NCOR2: variants seen among roughly 807,000 people sequenced by gnomAD.
NCOR2 encodes nuclear receptor corepressor 2.
Under a neutral mutation model 262.9 loss-of-function variants are expected in NCOR2, and 81 were observed. The ratio of observed to expected loss-of-function variants is 0.31; its 90% CI spans 0.26 to 0.37. The LOEUF (loss-of-function observed/expected upper bound fraction) is 0.37, where lower values mean the gene tolerates loss of function less well. Among genes scored for constraint, NCOR2 ranks in the 10% least tolerant of loss-of-function variants. The pLI is 1.00. For missense variants in NCOR2, 3,385 were observed against 3,621.4 expected (o/e 0.93, Z 1.68); for synonymous variants, 1,659 against 1,559.3 (o/e 1.06, Z -1.51).
chr12:124,334,346 G>T, intron 41 of NCOR2, 78 bp downstream of exon 43: 1 of 1,121,676 alleles, frequency 8.9e-7, no homozygotes, highest in African/African-American at 1.6e-5. Flanking sequence ...GCTGAGCTCA[G>T]ACCCAGCTCT....
Position 124,457,308 on chromosome 12 carries a change from C to T in NCOR2, c.706-146G>A, listed in dbSNP as rs1042993212. The T allele has an allele frequency of 5.1e-6, 4 of 787,986 alleles. No homozygotes were observed. The highest frequency in any genetic ancestry group is 1.9e-5 in the African/African-American group (1 of 53,268). 48.8% of individuals were successfully genotyped at this position (787,986 alleles called of 1,614,324 possible). ...CACGGGGGAGGGAGGCCCGGGGCCC[C>T]CTGCAGGCCCTCCCCACGCTGGAAA... On this transcript the variant is annotated intron_variant, in intron 5 of 46. Transcript: ENST00000405201. The surrounding 1 kb of genome is among the most constrained non-coding windows in gnomAD (Gnocchi z 4.0).
In NCOR2 at chr12:124,391,375, C is replaced by A. The variant is rs569900816; in HGVS notation, c.1877-5488G>T. Among the ~76,000 whole-genome samples the A allele has an allele frequency of 1.8e-4, 27 of 152,296 alleles. 1 individual carries two copies. The highest frequency in any genetic ancestry group is 5.1e-4 in the African/African-American group (21 of 41,560). On this transcript the variant is annotated intron_variant, in intron 16 of 46. Transcript: ENST00000405201. ...GGGGTGCATCGACCACCGCCCCCCA[C>A]CTGCCATTTTCCCCGAGAAACTCAG... is the stretch of plus-strand genomic sequence containing the variant.
rs1566353355 is a variant in NCOR2, at chr12:124,333,877, CGGGT to C, written c.6605+543_6605+546del. Among the ~76,000 whole-genome samples, 85 of 17,928 alleles carry C rather than the reference CGGGT, an allele frequency of 4.7e-3. 1 individual carries two copies. The highest frequency in any genetic ancestry group is 0.028 in the South Asian group (13 of 468). The allele number at this position is 17,928 out of a possible 152,430, so 11.8% of individuals were successfully genotyped here. The stretch of plus-strand genomic sequence containing the variant: ...GTGCATGTGTGTGTGCGCATGTGTG[CGGGT>C]GTGCATGTGTGTGTGCGCGCGCATG... On this transcript the variant is annotated intron_variant, in intron 41 of 46. Transcript: ENST00000405201.
At chr12:124,525,413 T>C (rs1361041990) in intron 1 of NCOR2, among the ~76,000 whole-genome samples, 1 of 152,246 alleles carries the variant, frequency 6.6e-6, no homozygotes, top group Non-Finnish European at 1.5e-5. Flanking sequence ...TTTTCTTGCC[T>C]TGCAAAATCG....
At chr12:124,547,505 A>G (rs2051578133) in intron 1 of NCOR2, among the ~76,000 whole-genome samples, 1 of 152,242 alleles carries the variant, frequency 6.6e-6, no homozygotes, top group Non-Finnish European at 1.5e-5. Context: ...ACATTTTTCA[A>G]ATGGAGAAGA....
Position 124,494,551 on chromosome 12 carries a change from C to T in NCOR2, c.105+596G>A, listed in dbSNP as rs567975563. Among the ~76,000 whole-genome samples the T allele has an allele frequency of 1.4e-4, 21 of 152,258 alleles. No homozygotes were observed. The South Asian group carries it at 1.9e-3, about 14-fold the overall frequency. On this transcript the variant is annotated intron_variant, in intron 1 of 46. Transcript: ENST00000405201. ...CCAGGGCACACATGTGGGCAGGCAG[C>T]GAGGCCCACCTGCTCCCAGGGCAAG...
intron 1 of NCOR2, among the ~76,000 whole-genome samples, chr12:124,502,552 T>C (rs1220224433): frequency 1.3e-5 from 2 of 151,830 alleles, no homozygotes. Flanking sequence ...GCACAGCAGG[T>C]GCAAAGGCCC....
At chr12:124,332,074 CCTA>C in intron 43 of NCOR2, 1 of 518,900 alleles carries the variant, frequency 1.9e-6, no homozygotes, top group Admixed American at 3.2e-5. Flanking sequence ...TCACTGGGCA[CCTA>C]CTATGTGCTG....
chr12:124,432,018 C>T lies in NCOR2; in HGVS notation c.883-1231G>A, dbSNP rs1257286876. On this transcript the variant is annotated intron_variant, in intron 8 of 46. Coordinates refer to ENST00000405201, the Ensembl canonical transcript of NCOR2. This position sits in a 1 kb window ranked among gnomAD's most constrained non-coding sequence, Gnocchi z 5.1. ...CATGGTCATGCAGGCAGACATATGA[C>T]AGACACACACACAGTCCATCACACA... Among the ~76,000 whole-genome samples, 1 of 151,644 alleles carries T rather than the reference C, an allele frequency of 6.6e-6. No homozygotes were observed. Among genetic ancestry groups the T allele is most frequent in the Non-Finnish European group, 1.5e-5 (1 of 67,920 alleles).
rs2051370408 is a variant in NCOR2, at chr12:124,541,833, ATGGGGAGTGGAGATGGAGGG to A, written c.-164-6242_-164-6223del. On this transcript the variant is annotated intron_variant, in intron 1 of 32. Transcript: ENST00000458234. ...GGATGGGGAGTGGAGATGGAGGGGGATGGGGAGTGGAGATGGAGGGGGTGGGGAGTGGAGATGGAGGGGGT... is the reference window on the plus strand; with the variant it reads ...GGATGGGGAGTGGAGATGGAGGGGGAGGTGGGGAGTGGAGATGGAGGGGGT... Among the ~76,000 whole-genome samples the A allele has an allele frequency of 3.4e-3, 26 of 7,754 alleles. 1 individual carries two copies. In the South Asian group the frequency reaches 0.21, roughly 63 times the overall value. 5.1% of individuals were successfully genotyped at this position (7,754 alleles called of 152,430 possible).
In NCOR2 at chr12:124,459,126, G is replaced by A. The variant is rs61932050; in HGVS notation, c.706-1964C>T. Among the ~76,000 whole-genome samples, 447 of 152,296 alleles carry A rather than the reference G, an allele frequency of 2.9e-3. 1 individual carries two copies. The highest frequency in any genetic ancestry group is 5.7e-3 in the Non-Finnish European group (388 of 68,024). On this transcript the variant is annotated intron_variant, in intron 5 of 46. Transcript: ENST00000405201. The stretch of plus-strand genomic sequence containing the variant: ...GGGCACAAGTCACTCTCCCAAAAAG[G>A]TAACAGGAGGGCTATATAGGCTGGG...
At chr12:124,471,759 G>T (rs1371539230) in intron 4 of NCOR2, among the ~76,000 whole-genome samples, 1 of 152,204 alleles carries the variant, frequency 6.6e-6, no homozygotes, top group Non-Finnish European at 1.5e-5. Context: ...TAGAGACAGG[G>T]TCTCGCTATG....
Position 124,378,824 on chromosome 12 carries a change from C to A in NCOR2, c.2020-440G>T, listed in dbSNP as rs1006294297. ...GGAACAGGCCAGCCTGGGAAGCTCGCGTTTCATTCCCTGAACCTTTACAGA... is the reference window on the plus strand; with the variant it reads ...GGAACAGGCCAGCCTGGGAAGCTCGAGTTTCATTCCCTGAACCTTTACAGA... On this transcript the variant is annotated intron_variant, in intron 17 of 46. Transcript: ENST00000405201. This position sits in a 1 kb window ranked among gnomAD's most constrained non-coding sequence, Gnocchi z 4.2. Among the ~76,000 whole-genome samples, 7 of 152,352 alleles carry A rather than the reference C, an allele frequency of 4.6e-5. No homozygotes were observed. Among genetic ancestry groups the A allele is most frequent in the African/African-American group, 1.4e-4 (6 of 41,578 alleles).
At chr12:124,438,876 A>AAGACAGAGACCCAGAGAGAGGG (rs2044587121) in intron 7 of NCOR2, among the ~76,000 whole-genome samples, 1 of 1,742 alleles carries the variant, frequency 5.7e-4, no homozygotes, top group Non-Finnish European at 1.5e-3. Flanking sequence ...GAGACAGAGG[A>AAGACAGAGACCCAGAGAGAGGG]AGACAGAGAC....
intron 1 of NCOR2, among the ~76,000 whole-genome samples, chr12:124,565,649 A>G (rs2052214299): frequency 2.0e-5 from 3 of 151,948 alleles, no homozygotes; most frequent in South Asian, 2.1e-4. Flanking sequence ...GAATAATAAT[A>G]CCGACACAGT....
intron 27 of NCOR2, among the ~76,000 whole-genome samples, chr12:124,353,505 T>C (rs1419446850): frequency 6.6e-6 from 1 of 152,248 alleles, no homozygotes; most frequent in Non-Finnish European, 1.5e-5. Context: ...TGTTAGAACA[T>C]GCATGCACGT....
At chr12:124,505,216 G>A (rs1310512231) in intron 1 of NCOR2, among the ~76,000 whole-genome samples, 1 of 152,174 alleles carries the variant, frequency 6.6e-6, no homozygotes, top group Admixed American at 6.5e-5. Flanking sequence ...GGCAGGTTCA[G>A]TCTGTCTTCT....
Position 124,552,213 on chromosome 12 carries a change from C to A in NCOR2, c.-165+15095G>T, listed in dbSNP as rs542730205. Among the ~76,000 whole-genome samples, 7 of 151,858 alleles carry A rather than the reference C, an allele frequency of 4.6e-5. No individual in the cohort carries two copies. The East Asian group carries it at 1.4e-3, about 29-fold the overall frequency. On this transcript the variant is annotated intron_variant, in intron 1 of 32. Coordinates refer to the NCOR2 transcript ENST00000458234. Reference sequence around the variant, plus strand: ...ACATGTGCCTGTAGTCCCAGCTACTCAGGAGGCTGAGATGGGAGGATTGCT... The same window carrying A: ...ACATGTGCCTGTAGTCCCAGCTACTAAGGAGGCTGAGATGGGAGGATTGCT...
At chr12:124,402,305 T>C (rs1443857853) in intron 14 of NCOR2, 99 bp downstream of exon 16, 1 of 1,558,390 alleles carries the variant, frequency 6.4e-7, no homozygotes, top group Non-Finnish European at 8.7e-7. Context: ...AGGCAATTGG[T>C]GGGCACCCCA....
Sources: allele counts gnomAD v4.1 joint callset (sites outside exome capture counted in the v4.1 genomes callset), GRCh38; gene constraint gnomAD v4.1.1; non-coding constraint Gnocchi (gnomAD v3.1); transcripts MANE v1.5; gene names NCBI Gene and HGNC (gene_info 2026-07-23, HGNC 2026-07-21).